Variants in DPP6 observed in about 807,000 individuals in gnomAD.
The protein encoded by DPP6 is dipeptidyl peptidase like 6.
A neutral mutation model predicts 122.6 loss-of-function variants in DPP6; 69 were observed. The ratio of observed to expected loss-of-function variants is 0.56; its 90% CI spans 0.46 to 0.69. The LOEUF (loss-of-function observed/expected upper bound fraction) is 0.69. Among genes scored for constraint, DPP6 ranks in the 30% least tolerant of loss-of-function variants. The pLI is 0.00. For missense variants in DPP6, 928 were observed against 1,116.9 expected, an observed-to-expected ratio of 0.83 and a Z score of 2.41; for synonymous variants, 418 against 433.1, an observed-to-expected ratio of 0.97 and a Z score of 0.43.
At chr7:154,259,433 G>T (rs1366700174) in intron 1 of DPP6, among the ~76,000 whole-genome samples, 2 of 152,222 alleles carry the variant, frequency 1.3e-5, no homozygotes, top group Non-Finnish European at 2.9e-5. Context: ...AAAGGGAGGG[G>T]CCGCTGGGGC....
intron 6 of DPP6, among the ~76,000 whole-genome samples, chr7:154,662,275 A>G (rs959847033): frequency 2.0e-5 from 3 of 151,402 alleles, no homozygotes; most frequent in African/African-American, 7.3e-5. Flanking sequence ...GTCATGGTGA[A>G]TCAGCATGGC....
intron 1 of DPP6, among the ~76,000 whole-genome samples, chr7:153,953,044 A>T (rs1802294709): frequency 6.6e-6 from 1 of 152,216 alleles, no homozygotes; most frequent in South Asian, 2.1e-4. Context: ...AGGAAGGGAG[A>T]TAAATACCCA....
chr7:153,921,490 G>A (rs1230563884), intron 1 of DPP6, among the ~76,000 whole-genome samples: 1 of 152,192 alleles, frequency 6.6e-6, no homozygotes, highest in African/African-American at 2.4e-5. Context: ...ACATTTTTGA[G>A]TAAAAGAAAA....
chr7:154,504,859 GT>G (rs1825552419), intron 3 of DPP6, among the ~76,000 whole-genome samples: 1 of 151,750 alleles, frequency 6.6e-6, no homozygotes, highest in African/African-American at 2.4e-5. Flanking sequence ...GTCGTTTGTG[GT>G]TTTAAATCCT....
At chr7:154,163,857 G>C (rs1436906495) in intron 1 of DPP6, among the ~76,000 whole-genome samples, 3 of 152,198 alleles carry the variant, frequency 2.0e-5, no homozygotes, top group Admixed American at 1.3e-4. Context: ...CCCTGTGCTT[G>C]GCCCCTCTCA....
intron 7 of DPP6, among the ~76,000 whole-genome samples, chr7:154,676,719 G>A (rs1838935380): frequency 6.6e-6 from 1 of 152,254 alleles, no homozygotes; most frequent in African/African-American, 2.4e-5. Flanking sequence ...TTATTTTAAG[G>A]TGTACACAGG....
the DPP6 span, among the ~76,000 whole-genome samples, chr7:153,812,589 A>C: frequency 0.045 from 6,869 of 152,024 alleles, 513 homozygotes; most frequent in African/African-American, 0.16. Context: ...AGCCCCCTCA[A>C]AAATTTATTT....
intron 1 of DPP6, among the ~76,000 whole-genome samples, chr7:153,890,758 C>T (rs527847354): frequency 1.6e-5 from 2 of 124,630 alleles, no homozygotes; most frequent in South Asian, 5.2e-4. Context: ...AGTGCAGTAG[C>T]GCAATCTCAG....
intron 1 of DPP6, among the ~76,000 whole-genome samples, chr7:153,994,649 TTC>T (rs1437049343): frequency 1.3e-5 from 2 of 151,994 alleles, no homozygotes; most frequent in Non-Finnish European, 1.5e-5. Flanking sequence ...AAACTTATTT[TTC>T]TGTTTTGTTT....
chr7:153,879,789 T>C, the DPP6 span, among the ~76,000 whole-genome samples: 170 of 152,276 alleles, frequency 1.1e-3, no homozygotes, highest in African/African-American at 3.7e-3. Flanking sequence ...CCTTTTTGTA[T>C]TCTAGTTTAA....
In DPP6 at chr7:154,858,878, G is replaced by C. The variant is rs113142081; in HGVS notation, c.1714+5051G>C. The stretch of plus-strand genomic sequence containing the variant: ...TGAATGTAATCGTAGCAGCAGTTCT[G>C]GGCTCTCCACACAGCACCAGGCCCC... On this transcript the variant is annotated intron_variant, in intron 17 of 25. Coordinates refer to ENST00000377770, the MANE Select transcript of DPP6 (RefSeq NM_130797.4). Among the ~76,000 whole-genome samples the C allele has an allele frequency of 8.7e-3, 1,322 of 152,242 alleles. 15 individuals carry two copies. Among genetic ancestry groups the C allele is most frequent in the African/African-American group, 0.03 (1,236 of 41,536 alleles).
At chr7:153,924,403 C>T (rs67355171) in intron 1 of DPP6, among the ~76,000 whole-genome samples, 32,710 of 152,026 alleles carry the variant, frequency 0.22, 3,687 homozygotes, top group Middle Eastern at 0.3. Context: ...CCACTGTGCC[C>T]GGCCTCATTG....
At chr7:153,902,801 A>G (rs1030304248) in intron 1 of DPP6, among the ~76,000 whole-genome samples, 7 of 151,758 alleles carry the variant, frequency 4.6e-5, no homozygotes, top group Non-Finnish European at 1.0e-4. Flanking sequence ...ACACCATTGC[A>G]CTCCAGCCTG....
At chr7:153,844,800 G>T in the DPP6 span, among the ~76,000 whole-genome samples, 1 of 152,108 alleles carries the variant, frequency 6.6e-6, no homozygotes, top group African/African-American at 2.4e-5. Context: ...CAAATTATTT[G>T]ATGTGACTTA....
chr7:154,360,806 C>T (rs761928376), intron 1 of DPP6, among the ~76,000 whole-genome samples: 18 of 152,204 alleles, frequency 1.2e-4, no homozygotes, highest in Non-Finnish European at 1.9e-4. Flanking sequence ...AAATATTGCC[C>T]TCGCCCACCA....
intron 8 of DPP6, among the ~76,000 whole-genome samples, chr7:154,763,866 A>G (rs13240930): frequency 0.58 from 87,997 of 151,890 alleles, 25,723 homozygotes; most frequent in Non-Finnish European, 0.61. Context: ...ACTGCCAAGG[A>G]GACTTTAAGT....
chr7:153,978,477 A>G (rs1044516681), intron 1 of DPP6, among the ~76,000 whole-genome samples: 3 of 152,034 alleles, frequency 2.0e-5, no homozygotes, highest in Non-Finnish European at 4.4e-5. Flanking sequence ...TAGATTGCAA[A>G]AATTTTCTCC....
intron 8 of DPP6, among the ~76,000 whole-genome samples, chr7:154,768,827 C>T (rs1011039258): frequency 6.6e-6 from 1 of 152,150 alleles, no homozygotes; most frequent in African/African-American, 2.4e-5. Flanking sequence ...AGCTTGTACC[C>T]TTCTTGTAAG....
intron 5 of DPP6, among the ~76,000 whole-genome samples, chr7:154,567,689 A>G (rs916489449): frequency 1.3e-5 from 2 of 152,182 alleles, no homozygotes; most frequent in African/African-American, 2.4e-5. Context: ...CCTCCCTGGC[A>G]TTTCTGAGAC....
Sources: gnomAD v4.1 joint callset for allele counts (sites outside exome capture counted in the v4.1 genomes callset) on GRCh38, gnomAD v4.1.1 for gene constraint, MANE v1.5 for transcripts, NCBI Gene and HGNC (gene_info 2026-07-23, HGNC 2026-07-21) for gene names.